Variants in NEGR1 observed in about 807,000 individuals in gnomAD.
NEGR1 encodes the protein neuronal growth regulator 1.
Under a neutral mutation model 40.9 loss-of-function variants are expected in NEGR1, and 10 were observed. The ratio of observed to expected loss-of-function variants is 0.24; its 90% confidence interval spans 0.15 to 0.42. The LOEUF (loss-of-function observed/expected upper bound fraction) is 0.42, where lower values mean the gene tolerates loss of function less well. Ranked by LOEUF, NEGR1 falls within the 10% of genes least tolerant of loss-of-function variation. NEGR1 has a pLI of 1.00. For missense variants in NEGR1, 352 were observed against 438.9 expected, an observed-to-expected ratio of 0.80 and a Z score of 1.77; for synonymous variants, 185 against 166.8, an observed-to-expected ratio of 1.11 and a Z score of -0.84.
chr1:71,769,280 T>A (rs1228326935), intron 3 of NEGR1, among the ~76,000 whole-genome samples: 1 of 152,194 alleles, frequency 6.6e-6, no homozygotes, highest in African/African-American at 2.4e-5. Flanking sequence ...TTGTCGATAT[T>A]CTCCAGAAGT....
At chr1:71,615,783 G>A (rs1157828305) in intron 4 of NEGR1, among the ~76,000 whole-genome samples, 1 of 152,196 alleles carries the variant, frequency 6.6e-6, no homozygotes, top group Non-Finnish European at 1.5e-5. Flanking sequence ...ATCCTACAGA[G>A]ATTATTTGTC....
chr1:71,482,105 TTA>T (rs1171233244), intron 6 of NEGR1, among the ~76,000 whole-genome samples: 2 of 151,806 alleles, frequency 1.3e-5, no homozygotes, highest in Non-Finnish European at 2.9e-5. Context: ...GCAATGAAGA[TTA>T]AACCCCTGCT....
intron 1 of NEGR1, among the ~76,000 whole-genome samples, chr1:72,081,582 A>G (rs1201598432): frequency 1.3e-5 from 2 of 152,084 alleles, no homozygotes; most frequent in Non-Finnish European, 2.9e-5. Context: ...AGTGTAAGTA[A>G]TGTGTTCTTT....
At chr1:71,566,724 G>A (rs899086863) in intron 6 of NEGR1, among the ~76,000 whole-genome samples, 2 of 152,206 alleles carry the variant, frequency 1.3e-5, no homozygotes, top group African/African-American at 4.8e-5. Context: ...TAATACATGA[G>A]CAAAAAATAA....
At chr1:72,134,572 C>A (rs1243321339) in intron 1 of NEGR1, among the ~76,000 whole-genome samples, 1 of 150,638 alleles carries the variant, frequency 6.6e-6, no homozygotes, top group Non-Finnish European at 1.5e-5. Flanking sequence ...TATACAATGG[C>A]AATTTCATGC....
chr1:71,565,571 T>C (rs182372520), intron 6 of NEGR1, among the ~76,000 whole-genome samples: 12 of 152,260 alleles, frequency 7.9e-5, no homozygotes, highest in Admixed American at 6.5e-4. Flanking sequence ...GCAACAAGTA[T>C]TGGCATGCAG....
intron 6 of NEGR1, among the ~76,000 whole-genome samples, chr1:71,425,863 C>A (rs1646425207): frequency 6.6e-6 from 1 of 152,046 alleles, no homozygotes. Context: ...ATCCATAAAG[C>A]AAAAATCAGG....
rs201488793 is a variant in NEGR1 at position 72,139,169 on chromosome 1, T to C, written c.176+143150A>G. On this transcript the variant is annotated intron_variant, in intron 1 of 6. Transcript: ENST00000357731. Reference sequence around the variant, plus strand: ...TAGAGCAGTATTTAGGGAAATTTTATAGCATTAATGGCCTAGATTAGTAAT... The same window carrying C: ...TAGAGCAGTATTTAGGGAAATTTTACAGCATTAATGGCCTAGATTAGTAAT... Among the ~76,000 whole-genome samples the C allele has an allele frequency of 2.7e-5, 4 of 150,868 alleles. No homozygotes were observed. The East Asian group carries it at 7.8e-4, about 29-fold the overall frequency.
intron 6 of NEGR1, among the ~76,000 whole-genome samples, chr1:71,419,733 C>T (rs983799627): frequency 5.3e-5 from 8 of 151,948 alleles, no homozygotes; most frequent in Non-Finnish European, 8.8e-5. Context: ...ATAAAATACT[C>T]CTCTCCTCTG....
intron 1 of NEGR1, among the ~76,000 whole-genome samples, chr1:71,976,307 C>T (rs1235298560): frequency 2.0e-5 from 3 of 152,114 alleles, no homozygotes; most frequent in African/African-American, 4.8e-5. Flanking sequence ...TGAAGCAATG[C>T]GGATCCCATC....
chr1:71,507,530 G>C (rs1647043597), intron 6 of NEGR1, among the ~76,000 whole-genome samples: 1 of 151,956 alleles, frequency 6.6e-6, no homozygotes, highest in Non-Finnish European at 1.5e-5. Context: ...TAAACAAAAA[G>C]GTAATTAAAA....
chr1:72,173,216 C>T (rs1229365981), intron 1 of NEGR1, among the ~76,000 whole-genome samples: 1 of 150,822 alleles, frequency 6.6e-6, no homozygotes, highest in Non-Finnish European at 1.5e-5. Context: ...CCATGTTGCC[C>T]AGAATGGTCT....
At chr1:71,729,274 C>T (rs1234193689) in intron 3 of NEGR1, among the ~76,000 whole-genome samples, 4 of 152,092 alleles carry the variant, frequency 2.6e-5, no homozygotes, top group Non-Finnish European at 5.9e-5. Context: ...AGGCTCCTCT[C>T]ACAAAAGTAT....
At chr1:71,609,388 A>G (rs12744372) in intron 5 of NEGR1, among the ~76,000 whole-genome samples, 4 of 151,032 alleles carry the variant, frequency 2.6e-5, no homozygotes, top group South Asian at 2.1e-4. Flanking sequence ...GGTGGCGGGC[A>G]CCTGTAGTCC....
intron 4 of NEGR1, among the ~76,000 whole-genome samples, chr1:71,614,659 TA>T (rs1348021195): frequency 6.6e-6 from 1 of 152,224 alleles, no homozygotes; most frequent in Non-Finnish European, 1.5e-5. Flanking sequence ...CACAAGCTTC[TA>T]CTGATAACCT....
chr1:72,236,401 G>C (rs12096670), intron 1 of NEGR1, among the ~76,000 whole-genome samples: 6,072 of 151,716 alleles, frequency 0.04, 394 homozygotes, highest in African/African-American at 0.14. Context: ...TGCGCGTTCT[G>C]CACATGTATC....
chr1:72,147,112 C>T (rs569534153), intron 1 of NEGR1, among the ~76,000 whole-genome samples: 5 of 152,102 alleles, frequency 3.3e-5, no homozygotes, highest in East Asian at 1.9e-4. Context: ...TTGTATGTAT[C>T]GGGCATAAGT....
intron 2 of NEGR1, among the ~76,000 whole-genome samples, chr1:71,787,781 T>C (rs1470162986): frequency 1.3e-5 from 2 of 152,188 alleles, no homozygotes; most frequent in Non-Finnish European, 1.5e-5. Context: ...AAGCTCTTCA[T>C]GGTCTGGATT....
At chr1:71,416,634 A>G (rs1044710733) in intron 6 of NEGR1, among the ~76,000 whole-genome samples, 1 of 152,160 alleles carries the variant, frequency 6.6e-6, no homozygotes, top group Non-Finnish European at 1.5e-5. Flanking sequence ...CTATTTTTAA[A>G]TCCTTAATAA....
Sources: allele counts gnomAD v4.1 joint callset (sites outside exome capture counted in the v4.1 genomes callset), GRCh38; gene constraint gnomAD v4.1.1; transcripts MANE v1.5; gene names NCBI Gene and HGNC (gene_info 2026-07-23, HGNC 2026-07-21).